RFWD3: variants seen among roughly 807,000 people sequenced by gnomAD.
RFWD3 encodes E3 ubiquitin-protein ligase RFWD3.
RFWD3 carries 65 observed loss-of-function variants against 87.7 expected under a neutral mutation model. The ratio of observed to expected loss-of-function variants is 0.74; its 90% CI spans 0.61 to 0.91. The LOEUF is 0.91. RFWD3 is among the 40% of genes least tolerant of loss of function. The pLI is 0.00. For synonymous variants in RFWD3, 433 were observed against 352.8 expected (o/e 1.23, Z -2.55); for missense variants, 1,078 against 938.5 (o/e 1.15, Z -1.94).
At chr16:74,644,794 G>C (rs1447836957) in intron 4 of RFWD3, 59 bp from the exon 5 acceptor site, 1 of 1,513,574 alleles carries the variant, frequency 6.6e-7, no homozygotes, top group East Asian at 2.3e-5. Context: ...TCTTGAAGAA[G>C]ATGTGCAACT....
intron 12 of RFWD3, among the ~76,000 whole-genome samples, 169 bp from the exon 13 acceptor site, chr16:74,624,240 T>C (rs530130435): frequency 2.0e-5 from 3 of 152,322 alleles, no homozygotes; most frequent in South Asian, 2.1e-4. Flanking sequence ...ACACCTGACA[T>C]AGTTCAGGTA....
intron 9 of RFWD3, among the ~76,000 whole-genome samples, chr16:74,631,463 A>ACTCTCT (rs56056110): frequency 0.046 from 6,857 of 150,012 alleles, 512 homozygotes; most frequent in African/African-American, 0.15. Flanking sequence ...ACAGAGTGAG[A>ACTCTCT]CTCTCTCTCT....
At chr16:74,638,117 T>C in intron 6 of RFWD3, 147 bp from the exon 7 acceptor site, 2 of 537,870 alleles carry the variant, frequency 3.7e-6, no homozygotes, top group East Asian at 3.3e-5. Context: ...AAGAGAAAAA[T>C]CTCTCCAGAA....
In RFWD3 at chr16:74,628,513, C is replaced by A; in HGVS notation, c.1908G>T (p.Gly636=). The change falls in exon 11 of 13, where the codon GGG becomes GGT. Residue 636 remains glycine, a synonymous_variant. Coordinates refer to ENST00000361070, the MANE Select transcript of RFWD3 (RefSeq NM_018124.4). The part of the protein sequence containing the change: ...HWPHVLPLEP[G]GCIDFQTENS... ...TCTCTGTCTGAAAGTCTATGCAGCCCCCTGGCTCCAAGGGCAGCACATGAG... is the reference window on the plus strand; with the variant it reads ...TCTCTGTCTGAAAGTCTATGCAGCCACCTGGCTCCAAGGGCAGCACATGAG... 1 of 1,614,170 alleles carries A rather than the reference C, an allele frequency of 6.2e-7. No homozygotes were observed. Among genetic ancestry groups the A allele is most frequent in the Non-Finnish European group, 8.5e-7 (1 of 1,180,028 alleles).
chr16:74,640,903 C>A (rs1449507064), intron 6 of RFWD3, among the ~76,000 whole-genome samples: 1 of 152,076 alleles, frequency 6.6e-6, no homozygotes, highest in Non-Finnish European at 1.5e-5. Flanking sequence ...CACGCCACTG[C>A]ACTCCAGCCT....
intron 11 of RFWD3, among the ~76,000 whole-genome samples, chr16:74,627,751 G>C (rs1257111635): frequency 6.6e-6 from 1 of 152,216 alleles, no homozygotes; most frequent in South Asian, 2.1e-4. Context: ...TGCCAGGACA[G>C]AGGAGTATCC....
intron 6 of RFWD3, among the ~76,000 whole-genome samples, chr16:74,640,447 A>C (rs190388738): frequency 6.6e-6 from 1 of 152,130 alleles, no homozygotes; most frequent in Admixed American, 6.5e-5. Flanking sequence ...CCCGCCCGGA[A>C]ACTTAATTAA....
In RFWD3 at chr16:74,652,133, A is replaced by G; in HGVS notation, c.519-11T>C. The G allele has an allele frequency of 6.2e-7, 1 of 1,611,898 alleles. No individual in the cohort carries two copies. On this transcript the variant is annotated splice_polypyrimidine_tract_variant and intron_variant, in intron 2 of 12. Coordinates refer to ENST00000361070, the MANE Select transcript of RFWD3 (RefSeq NM_018124.4). ...AATGGTGCTCTCAACCTATGTACAC[A>G]GAAAGACAACGGAATTATAGTACAA... is the stretch of plus-strand genomic sequence containing the variant.
chr16:74,644,156 T>A, intron 6 of RFWD3: 1 of 618,692 alleles, frequency 1.6e-6, no homozygotes. Flanking sequence ...ATGCTCTACA[T>A]AAGGCAAACG....
In RFWD3 at chr16:74,632,580, C is replaced by G. The variant is rs750065808; in HGVS notation, c.1520G>C (p.Ser507Thr). ...AGAGAGTAGCAAGCCTCTGAGGTAA[C>G]TGCTAAACGCCAGTCCACGGATCTG... Reference protein sequence around the residue: ...GKQIRGLAFSSYLRGLLLSAS... With the variant: ...GKQIRGLAFSTYLRGLLLSAS... The change falls in exon 9 of 13, where the codon AGT (serine) becomes ACT (threonine). Residue 507 changes from serine to threonine, a missense_variant. By Grantham distance (58) the Ser-to-Thr change is moderately conservative (BLOSUM62 1). Transcript: ENST00000361070. 13 of 1,614,140 alleles carry G rather than the reference C, an allele frequency of 8.1e-6. No individual in the cohort carries two copies. Among genetic ancestry groups the G allele is most frequent in the Non-Finnish European group, 1.0e-5 (12 of 1,180,008 alleles).
chr16:74,653,149 A>G (rs1960694288), intron 2 of RFWD3, among the ~76,000 whole-genome samples: 1 of 152,064 alleles, frequency 6.6e-6, no homozygotes, highest in Admixed American at 6.6e-5. Context: ...GACCAGCCTG[A>G]TTAACATGGT....
In RFWD3 at chr16:74,623,904, G is replaced by A. The variant is rs772499588; in HGVS notation, c.*24C>T. On this transcript the variant is annotated 3_prime_UTR_variant, in exon 13 of 13. Transcript: ENST00000361070. ...GCAAACAACATCTAACCAGCAGCAT[G>A]CCTTCAAGGTTTCGAGACCACAGTC... 1 of 1,613,010 alleles carries A rather than the reference G, an allele frequency of 6.2e-7. No individual in the cohort carries two copies. The highest frequency in any genetic ancestry group is 8.5e-7 in the Non-Finnish European group (1 of 1,179,314).
intron 2 of RFWD3, among the ~76,000 whole-genome samples, chr16:74,657,181 C>G (rs563296665): frequency 6.6e-6 from 1 of 152,292 alleles, no homozygotes; most frequent in South Asian, 2.1e-4. Context: ...GTGCTCCAAT[C>G]CCTCTGGTGC....
intron 12 of RFWD3, among the ~76,000 whole-genome samples, chr16:74,625,928 C>G (rs1262744923): frequency 6.6e-6 from 1 of 152,166 alleles, no homozygotes; most frequent in Non-Finnish European, 1.5e-5. Context: ...GCTCACGCCT[C>G]TAATCCCAGC....
Position 74,649,174 on chromosome 16 carries a change from T to C in RFWD3, c.750A>G (p.Gln250=). 1 of 1,569,564 alleles carries C rather than the reference T, an allele frequency of 6.4e-7. No homozygotes were observed. Among genetic ancestry groups the C allele is most frequent in the South Asian group, 1.2e-5 (1 of 83,514 alleles). The change falls in exon 4 of 13, where the codon CAA becomes CAG. Residue 250 remains glutamine, a synonymous_variant. Coordinates refer to ENST00000361070, the MANE Select transcript of RFWD3 (RefSeq NM_018124.4). Reference sequence around the variant, plus strand: ...TGCCTCCATCGATACATGTAACTTCTTGCTCTGCTGAGACACCTGCTAGTT... The same window carrying C: ...TGCCTCCATCGATACATGTAACTTCCTGCTCTGCTGAGACACCTGCTAGTT... ...EEQLAGVSAE[Q]EVTCIDGGKT... is the part of the protein sequence containing the mutation.
intron 7 of RFWD3, 146 bp from the exon 8 acceptor site, chr16:74,636,723 T>C: frequency 5.8e-6 from 4 of 692,394 alleles, no homozygotes; most frequent in Non-Finnish European, 9.4e-6. Context: ...AGTTTTTGTT[T>C]TTTTTTTTAA....
rs759556308 is a variant in RFWD3, at chr16:74,637,122, TAAAAAAAAA to T, written c.1195-554_1195-546del. ...AATGGTGGTTTCGTTTAAAGTCCTTTAAAAAAAAAAAAAAAAAAAAAAACAACTTAAAAG... is the reference window on the plus strand; with the variant it reads ...AATGGTGGTTTCGTTTAAAGTCCTTTAAAAAAAAAAAAAACAACTTAAAAG... On this transcript the variant is annotated intron_variant, in intron 7 of 12. Coordinates refer to ENST00000361070, the MANE Select transcript of RFWD3 (RefSeq NM_018124.4). Among the ~76,000 whole-genome samples, 86 of 101,802 alleles carry T rather than the reference TAAAAAAAAA, an allele frequency of 8.4e-4. 2 individuals are homozygous for T. The highest frequency in any genetic ancestry group is 1.3e-3 in the African/African-American group (33 of 26,210). 66.8% of individuals were successfully genotyped at this position (101,802 alleles called of 152,430 possible). A position where few individuals can be genotyped will look rare whatever the true frequency, so the allele number is the denominator to read the frequency against.
At position 74,622,556 on chromosome 16, in the gene RFWD3, G is replaced by C. The variant is rs1374785401; in HGVS notation, c.*1372C>G. ...ACTTGGAACTCTGGGGAAATCTAGT[G>C]CAACAACCCCTTGCCGGAGAGAAAG... On this transcript the variant is annotated 3_prime_UTR_variant, in exon 13 of 13. Coordinates refer to ENST00000361070, the MANE Select transcript of RFWD3 (RefSeq NM_018124.4). The C allele has an allele frequency of 6.6e-6, 1 of 152,198 alleles. No homozygotes were observed. The highest frequency in any genetic ancestry group is 1.5e-5 in the Non-Finnish European group (1 of 68,032). The allele number at this position is 152,198 out of a possible 1,614,324, so 9.4% of individuals were successfully genotyped here. A position where few individuals can be genotyped will look rare whatever the true frequency, so the allele number is the denominator to read the frequency against.
rs1597402405 is a variant in RFWD3, at chr16:74,623,758, A to T, written c.*170T>A. 1 of 625,230 alleles carries T rather than the reference A, an allele frequency of 1.6e-6. No individual in the cohort carries two copies. The allele number at this position is 625,230 out of a possible 1,614,324, so 38.7% of individuals were successfully genotyped here. On this transcript the variant is annotated 3_prime_UTR_variant, in exon 13 of 13. Coordinates refer to ENST00000361070, the MANE Select transcript of RFWD3 (RefSeq NM_018124.4). ...CTTTTAGTGGACATAACAGATACACAATCTGTAGTGTCTCAGTGACCTAGG... is the reference window on the plus strand; with the variant it reads ...CTTTTAGTGGACATAACAGATACACTATCTGTAGTGTCTCAGTGACCTAGG...
Sources: allele counts gnomAD v4.1 joint callset (sites outside exome capture counted in the v4.1 genomes callset), GRCh38; gene constraint gnomAD v4.1.1; transcripts MANE v1.5; gene names NCBI Gene and HGNC (gene_info 2026-07-23, HGNC 2026-07-21).